CNOT4: variants seen among roughly 807,000 people sequenced by gnomAD.
CNOT4 encodes CCR4-associated factor 4.
A neutral mutation model predicts 73.8 loss-of-function variants in CNOT4; 8 were observed. The ratio of observed to expected loss-of-function variants is 0.11; its 90% confidence interval spans 0.06 to 0.20. The LOEUF is 0.20. CNOT4 is among the 10% of genes least tolerant of loss of function. The pLI, the probability that CNOT4 is intolerant of heterozygous loss-of-function variation, is 1.00. For synonymous variants in CNOT4, 293 were observed against 321.1 expected, an observed-to-expected ratio of 0.91 and a Z score of 0.94; for missense variants, 564 against 883.4, an observed-to-expected ratio of 0.64 and a Z score of 4.58.
chr7:135,365,635 T>C (rs944772330), intron 10 of CNOT4, among the ~76,000 whole-genome samples: 6 of 152,190 alleles, frequency 3.9e-5, no homozygotes, highest in Admixed American at 2.6e-4. Context: ...TCTCTCGATC[T>C]ACTCTGTACA....
intron 1 of CNOT4, among the ~76,000 whole-genome samples, chr7:135,462,729 C>T (rs1315166562): frequency 6.6e-6 from 1 of 152,146 alleles, no homozygotes; most frequent in Non-Finnish European, 1.5e-5. Flanking sequence ...GTCTTGGATT[C>T]TTAAAATAAC....
At chr7:135,442,319 G>T (rs1019289574) in intron 1 of CNOT4, among the ~76,000 whole-genome samples, 1 of 152,166 alleles carries the variant, frequency 6.6e-6, no homozygotes, top group Non-Finnish European at 1.5e-5. Flanking sequence ...TAAACAGGGC[G>T]GCGCGGTGGC....
intron 1 of CNOT4, among the ~76,000 whole-genome samples, chr7:135,446,657 A>C (rs1799850814): frequency 6.6e-6 from 1 of 152,018 alleles, no homozygotes; most frequent in South Asian, 2.1e-4. Context: ...TATACAACCA[A>C]AGTTATATAT....
chr7:135,472,841 G>A (rs1324537095), intron 1 of CNOT4, among the ~76,000 whole-genome samples: 1 of 151,712 alleles, frequency 6.6e-6, no homozygotes, highest in Non-Finnish European at 1.5e-5. Flanking sequence ...GTAGTTAAAG[G>A]CCAGCCTGGG....
chr7:135,506,701 AGCCGGGCATGGTGG>A (rs1267319009), intron 1 of CNOT4, among the ~76,000 whole-genome samples: 1 of 151,956 alleles, frequency 6.6e-6, no homozygotes, highest in Non-Finnish European at 1.5e-5. Flanking sequence ...TACAAAACTT[AGCCGGGCATGGTGG>A]CACACGCCTG....
At chr7:135,459,359 AC>A (rs1193379540) in intron 1 of CNOT4, among the ~76,000 whole-genome samples, 1 of 152,174 alleles carries the variant, frequency 6.6e-6, no homozygotes, top group Non-Finnish European at 1.5e-5. Flanking sequence ...GACGCAGTTT[AC>A]CAACCTCTGC....
chr7:135,446,737 A>C (rs1799857090), intron 1 of CNOT4, among the ~76,000 whole-genome samples: 1 of 152,002 alleles, frequency 6.6e-6, no homozygotes, highest in Non-Finnish European at 1.5e-5. Flanking sequence ...ACACACACAC[A>C]GACACACACA....
Position 135,366,452 on chromosome 7 carries a change from A to G in CNOT4, c.1628-2386T>C, listed in dbSNP as rs113360896. Among the ~76,000 whole-genome samples the G allele has an allele frequency of 2.6e-5, 4 of 152,334 alleles. 1 individual carries two copies. The highest frequency in any genetic ancestry group is 9.6e-5 in the African/African-American group (4 of 41,564). On this transcript the variant is annotated intron_variant, in intron 10 of 11. Transcript: ENST00000541284. ...GGGACATTTGTTCCTGTAATTGTAG[A>G]CTAATCAAATCAAGCAAGGGTATGT...
At chr7:135,367,679 A>G (rs1794989684) in intron 10 of CNOT4, among the ~76,000 whole-genome samples, 1 of 152,220 alleles carries the variant, frequency 6.6e-6, no homozygotes, top group Non-Finnish European at 1.5e-5. Context: ...GTCTCCTTTT[A>G]GGAACTTAGG....
chr7:135,404,089 C>T (rs1797149875), intron 7 of CNOT4, among the ~76,000 whole-genome samples: 1 of 152,118 alleles, frequency 6.6e-6, no homozygotes, highest in African/African-American at 2.4e-5. Context: ...CTTAGGTGGG[C>T]CAAGATATCC....
chr7:135,404,549 T>A (rs1430899668), intron 7 of CNOT4, among the ~76,000 whole-genome samples: 1 of 152,190 alleles, frequency 6.6e-6, no homozygotes, highest in African/African-American at 2.4e-5. Flanking sequence ...TGAGACCTTT[T>A]TCTACAAATC....
intron 10 of CNOT4, among the ~76,000 whole-genome samples, chr7:135,369,324 G>A (rs1200304209): frequency 6.6e-6 from 1 of 152,060 alleles, no homozygotes; most frequent in African/African-American, 2.4e-5. Flanking sequence ...GTGCCGTCTT[G>A]GAATTCCTGC....
intron 1 of CNOT4, among the ~76,000 whole-genome samples, chr7:135,461,922 G>T (rs1800901248): frequency 6.6e-6 from 1 of 152,006 alleles, no homozygotes; most frequent in South Asian, 2.1e-4. Context: ...TTACCAAGAT[G>T]AAATTTCAGT....
intron 2 of CNOT4, among the ~76,000 whole-genome samples, chr7:135,430,036 T>C (rs944583963): frequency 1.3e-5 from 2 of 152,222 alleles, no homozygotes; most frequent in Non-Finnish European, 2.9e-5. Context: ...CTAGTTTTCA[T>C]AGGTGTCTTT....
chr7:135,507,021 A>G (rs1430154834), intron 1 of CNOT4, among the ~76,000 whole-genome samples: 1 of 152,156 alleles, frequency 6.6e-6, no homozygotes, highest in Admixed American at 6.5e-5. Flanking sequence ...AACTGATAAG[A>G]TATTTTTTCA....
At chr7:135,497,254 C>A (rs1246194157) in intron 1 of CNOT4, among the ~76,000 whole-genome samples, 2 of 151,856 alleles carry the variant, frequency 1.3e-5, no homozygotes, top group Admixed American at 1.3e-4. Flanking sequence ...CCAAAAAATA[C>A]AATAATTAGC....
chr7:135,388,114 T>C, intron 10 of CNOT4: 1 of 984,762 alleles, frequency 1.0e-6, no homozygotes, highest in Non-Finnish European at 1.2e-6. Context: ...AGGCAGTGCA[T>C]TAGAAAAGAG....
chr7:135,370,650 T>A (rs115326370), intron 10 of CNOT4, among the ~76,000 whole-genome samples: 1 of 152,182 alleles, frequency 6.6e-6, no homozygotes, highest in South Asian at 2.1e-4. Context: ...GTCTTAGAAA[T>A]GTTACATGCA....
chr7:135,416,463 T>C (rs893420160), intron 3 of CNOT4, among the ~76,000 whole-genome samples: 31 of 152,158 alleles, frequency 2.0e-4, no homozygotes, highest in Non-Finnish European at 3.7e-4. Context: ...CAATCTCTTT[T>C]CCACCCAAAA....
Sources: gnomAD v4.1 joint callset for allele counts (sites outside exome capture counted in the v4.1 genomes callset) on GRCh38, gnomAD v4.1.1 for gene constraint, MANE v1.5 for transcripts, NCBI Gene and HGNC (gene_info 2026-07-23, HGNC 2026-07-21) for gene names.